EDIL3: variants seen among roughly 807,000 people sequenced by gnomAD.
EDIL3 encodes EGF-like repeat and discoidin I-like domain-containing protein 3.
In EDIL3, 37 loss-of-function variants were observed where a neutral mutation model predicts 67.4. That is an observed-to-expected ratio of 0.55 (90% CI 0.42 to 0.72). The LOEUF (loss-of-function observed/expected upper bound fraction) is 0.72, where lower values mean the gene tolerates loss of function less well. EDIL3 is among the 30% of genes least tolerant of loss of function. EDIL3 has a pLI of 0.00. For synonymous variants in EDIL3, 195 were observed against 196.3 expected, an observed-to-expected ratio of 0.99 and a Z score of 0.05; for missense variants, 527 against 586.3, an observed-to-expected ratio of 0.90 and a Z score of 1.04.
At chr5:84,156,244 G>A (rs950447919) in intron 4 of EDIL3, among the ~76,000 whole-genome samples, 4 of 152,110 alleles carry the variant, frequency 2.6e-5, no homozygotes, top group African/African-American at 9.7e-5. Context: ...GAAGAGGAGG[G>A]CAACCAGGAC....
At chr5:84,368,846 A>T (rs1162832417) in intron 1 of EDIL3, among the ~76,000 whole-genome samples, 12 of 152,148 alleles carry the variant, frequency 7.9e-5, no homozygotes, top group Non-Finnish European at 1.8e-4. Context: ...AAGATATACA[A>T]ATGGCCAATA....
chr5:83,970,180 A>AT (rs1239617672), intron 9 of EDIL3, among the ~76,000 whole-genome samples: 1 of 150,256 alleles, frequency 6.7e-6, no homozygotes, highest in East Asian at 2.0e-4. Context: ...GAAAAGTGGC[A>AT]TTTTTACCTT....
intron 2 of EDIL3, among the ~76,000 whole-genome samples, chr5:84,249,401 A>G (rs1027613059): frequency 2.6e-5 from 4 of 151,324 alleles, no homozygotes; most frequent in African/African-American, 9.7e-5. Flanking sequence ...CTATCTATCT[A>G]TCTATCTATC....
At chr5:83,970,933 T>C (rs1286031059) in intron 9 of EDIL3, among the ~76,000 whole-genome samples, 3 of 151,428 alleles carry the variant, frequency 2.0e-5, no homozygotes, top group Non-Finnish European at 4.4e-5. Context: ...TCTTGAGTTA[T>C]ATTTTAAAAT....
chr5:84,217,753 CACACACACACAT>C (rs1458491819), intron 3 of EDIL3, among the ~76,000 whole-genome samples: 58 of 151,356 alleles, frequency 3.8e-4, no homozygotes, highest in African/African-American at 1.3e-3. Flanking sequence ...CACACACACA[CACACACACACAT>C]CCTTCTGGTT....
intron 6 of EDIL3, among the ~76,000 whole-genome samples, chr5:84,081,584 C>A (rs546249512): frequency 1.3e-5 from 2 of 152,036 alleles, no homozygotes; most frequent in Non-Finnish European, 2.9e-5. Flanking sequence ...ATCTCAGGGG[C>A]AGTAAGTGTG....
In EDIL3 at chr5:84,209,118, C is replaced by T. The variant is rs965245731; in HGVS notation, c.226+20737G>A. Among the ~76,000 whole-genome samples, 55 of 151,740 alleles carry T rather than the reference C, an allele frequency of 3.6e-4. 1 individual carries two copies. Among genetic ancestry groups the T allele is most frequent in the Non-Finnish European group, 3.5e-4 (24 of 67,994 alleles). ...GAAATCATCATTCTCAGTAAACTATCGCAAGGACAAAAAACCAAACACCGC... is the reference window on the plus strand; with the variant it reads ...GAAATCATCATTCTCAGTAAACTATTGCAAGGACAAAAAACCAAACACCGC... On this transcript the variant is annotated intron_variant, in intron 3 of 10. Coordinates refer to ENST00000296591, the MANE Select transcript of EDIL3 (RefSeq NM_005711.5).
chr5:84,303,852 G>T (rs201637384), intron 1 of EDIL3, among the ~76,000 whole-genome samples: 12 of 137,686 alleles, frequency 8.7e-5, no homozygotes, highest in Middle Eastern at 3.6e-3. Flanking sequence ...GTGTGTGTTT[G>T]TGTGTGTGTG....
intron 3 of EDIL3, among the ~76,000 whole-genome samples, chr5:84,181,632 A>G (rs1387885052): frequency 1.3e-5 from 2 of 152,108 alleles, no homozygotes; most frequent in African/African-American, 2.4e-5. Context: ...ATTCCCCCCA[A>G]AAATCTTTTA....
intron 1 of EDIL3, among the ~76,000 whole-genome samples, chr5:84,311,908 G>A (rs1746397320): frequency 6.6e-6 from 1 of 152,172 alleles, no homozygotes. Flanking sequence ...TCACAAGGCA[G>A]AAGAATTTTT....
chr5:84,022,865 T>C (rs1267508805), intron 9 of EDIL3, among the ~76,000 whole-genome samples: 3 of 151,962 alleles, frequency 2.0e-5, no homozygotes, highest in Non-Finnish European at 4.4e-5. Flanking sequence ...TTAGCAACAA[T>C]GTACTATATA....
intron 5 of EDIL3, among the ~76,000 whole-genome samples, chr5:84,110,598 T>C (rs1747543267): frequency 6.6e-6 from 1 of 152,210 alleles, no homozygotes. Context: ...TGTTTTCTCA[T>C]ATAATCTTTG....
intron 1 of EDIL3, among the ~76,000 whole-genome samples, chr5:84,340,526 C>CTATA (rs1747083489): frequency 1.4e-5 from 1 of 72,392 alleles, no homozygotes; most frequent in Non-Finnish European, 3.2e-5. Context: ...CTCTCTCTCT[C>CTATA]TCTCTCTCTA....
At chr5:84,303,854 G>GTT (rs1746213939) in intron 1 of EDIL3, among the ~76,000 whole-genome samples, 1 of 142,800 alleles carries the variant, frequency 7.0e-6, no homozygotes, top group Non-Finnish European at 1.5e-5. Context: ...GTGTGTTTGT[G>GTT]TGTGTGTGTG....
intron 9 of EDIL3, among the ~76,000 whole-genome samples, chr5:84,037,809 G>GGATA (rs1746047396): frequency 6.6e-6 from 1 of 151,814 alleles, no homozygotes; most frequent in Non-Finnish European, 1.5e-5. Context: ...ACCAAATAGT[G>GGATA]GATAGACTTT....
chr5:84,311,035 T>C (rs892567353), intron 1 of EDIL3, among the ~76,000 whole-genome samples: 3 of 152,192 alleles, frequency 2.0e-5, no homozygotes, highest in African/African-American at 7.2e-5. Context: ...ATCAATATCA[T>C]TGGATGAAGT....
intron 2 of EDIL3, among the ~76,000 whole-genome samples, chr5:84,235,409 G>A (rs865976100): frequency 6.6e-6 from 1 of 152,118 alleles, no homozygotes; most frequent in South Asian, 2.1e-4. Context: ...TACATGCATT[G>A]TGATTCCTGT....
chr5:84,310,273 T>G (rs1561252965), intron 1 of EDIL3, among the ~76,000 whole-genome samples: 1 of 152,172 alleles, frequency 6.6e-6, no homozygotes, highest in East Asian at 1.9e-4. Context: ...GAGGTCAGAT[T>G]AGAAATCTTC....
At chr5:83,991,705 TAGAA>T (rs1448327421) in intron 9 of EDIL3, among the ~76,000 whole-genome samples, 1 of 152,102 alleles carries the variant, frequency 6.6e-6, no homozygotes, top group Non-Finnish European at 1.5e-5. Context: ...CACTCACCAT[TAGAA>T]AGAGCATCTT....
Sources: gnomAD v4.1 joint callset for allele counts (sites outside exome capture counted in the v4.1 genomes callset) on GRCh38, gnomAD v4.1.1 for gene constraint, MANE v1.5 for transcripts, NCBI Gene and HGNC (gene_info 2026-07-23, HGNC 2026-07-21) for gene names.